The following KIAA1328 variants were observed in gnomAD, a reference collection of about 807,000 sequenced individuals.
KIAA1328 encodes KIAA1328, also known as protein hinderin.
A neutral mutation model predicts 68.1 loss-of-function variants in KIAA1328; 52 were observed. That is an observed-to-expected ratio of 0.76 (90% CI 0.61 to 0.96). The LOEUF (loss-of-function observed/expected upper bound fraction) is 0.96, where lower values mean the gene tolerates loss of function less well. Among genes scored for constraint, KIAA1328 ranks in the 40% least tolerant of loss-of-function variants. The probability of loss-of-function intolerance (pLI) is 0.00; values close to 1 mark genes in which losing one functional copy is unlikely to be tolerated. For synonymous variants in KIAA1328, 232 were observed against 239.4 expected (o/e 0.97, Z 0.28); for missense variants, 641 against 677.6 (o/e 0.95, Z 0.60).
intron 2 of KIAA1328, among the ~76,000 whole-genome samples, chr18:36,834,672 G>A (rs943110375): frequency 1.3e-5 from 2 of 151,984 alleles, no homozygotes; most frequent in African/African-American, 4.8e-5. Flanking sequence ...ATAAAAGTGT[G>A]ACTACTGCTT....
At chr18:36,949,961 T>C (rs1422560549) in intron 5 of KIAA1328, among the ~76,000 whole-genome samples, 1 of 152,240 alleles carries the variant, frequency 6.6e-6, no homozygotes, top group African/African-American at 2.4e-5. Context: ...TGGCTTGTGC[T>C]CTTGCACAGA....
At chr18:37,109,804 A>G (rs2057879638) in intron 7 of KIAA1328, among the ~76,000 whole-genome samples, 1 of 152,170 alleles carries the variant, frequency 6.6e-6, no homozygotes, top group African/African-American at 2.4e-5. Flanking sequence ...CCTAGAAGAA[A>G]TAATATAGGT....
chr18:37,001,425 C>T (rs1340075327), intron 6 of KIAA1328, among the ~76,000 whole-genome samples: 1 of 152,076 alleles, frequency 6.6e-6, no homozygotes, highest in African/African-American at 2.4e-5. Context: ...AGATTCACAG[C>T]CAAATTATAC....
chr18:37,141,773 A>G (rs2058769776), intron 7 of KIAA1328, among the ~76,000 whole-genome samples: 1 of 152,206 alleles, frequency 6.6e-6, no homozygotes, highest in South Asian at 2.1e-4. Context: ...TTAATTTTAA[A>G]CATTTTAATG....
chr18:36,973,812 T>TACACACACACACACAC (rs761416952), intron 6 of KIAA1328, among the ~76,000 whole-genome samples: 22 of 103,682 alleles, frequency 2.1e-4, no homozygotes, highest in East Asian at 8.4e-4. Context: ...TGTACGCACA[T>TACACACACACACACAC]ACACACACAC....
intron 9 of KIAA1328, among the ~76,000 whole-genome samples, chr18:37,203,858 G>A (rs1475032858): frequency 1.3e-5 from 2 of 150,782 alleles, no homozygotes; most frequent in South Asian, 4.2e-4. Flanking sequence ...CGCCCAGGCT[G>A]GAGTGCAGTG....
chr18:36,933,421 G>A (rs948523893), intron 5 of KIAA1328, among the ~76,000 whole-genome samples: 7 of 152,146 alleles, frequency 4.6e-5, no homozygotes, highest in Admixed American at 2.6e-4. Context: ...TCCAGGCCAC[G>A]GGGCCCTCTT....
intron 7 of KIAA1328, among the ~76,000 whole-genome samples, chr18:37,121,712 A>ATTAAC (rs1320666431): frequency 1.3e-5 from 2 of 152,188 alleles, no homozygotes; most frequent in African/African-American, 4.8e-5. Flanking sequence ...TAGAAGAGTT[A>ATTAAC]GTAGGATAAA....
chr18:37,226,715 C>CTTT (rs763991741), downstream of KIAA1328, among the ~76,000 whole-genome samples: 91 of 128,664 alleles, frequency 7.1e-4, no homozygotes, highest in African/African-American at 9.1e-4. Context: ...GGGTTGTTCC[C>CTTT]TTTTTTTTTT....
At chr18:36,953,173 CATAAAT>C (rs1250141801) in intron 5 of KIAA1328, among the ~76,000 whole-genome samples, 1 of 147,420 alleles carries the variant, frequency 6.8e-6, no homozygotes, top group Non-Finnish European at 1.5e-5. Flanking sequence ...ATACATATAT[CATAAAT>C]ATAAATATTT....
intron 7 of KIAA1328, among the ~76,000 whole-genome samples, chr18:37,127,608 G>A (rs2058423848): frequency 6.6e-6 from 1 of 152,094 alleles, no homozygotes. Context: ...GGAGAGCAAT[G>A]CCGGGTTCAT....
At chr18:37,212,677 C>T (rs2060339813) in intron 9 of KIAA1328, among the ~76,000 whole-genome samples, 1 of 151,846 alleles carries the variant, frequency 6.6e-6, no homozygotes, top group Non-Finnish European at 1.5e-5. Context: ...ACTTGATTAA[C>T]CTTAAGTTTT....
chr18:36,943,528 A>G lies in KIAA1328; in HGVS notation c.449-15780A>G, dbSNP rs184429401. ...TACCTGTAATCTTTATTTGATTAAT[A>G]TAAATAGATCATATCAGTGTTTTTA... On this transcript the variant is annotated intron_variant, in intron 5 of 9. Transcript: ENST00000280020. 4.6e-5 allele frequency among the ~76,000 whole-genome samples: 7 copies of G among 152,336 alleles called. No individual in the cohort carries two copies. The East Asian group carries it at 1.2e-3, about 25-fold the overall frequency.
At chr18:37,026,056 A>G (rs2054565214) in intron 6 of KIAA1328, among the ~76,000 whole-genome samples, 1 of 152,218 alleles carries the variant, frequency 6.6e-6, no homozygotes, top group Non-Finnish European at 1.5e-5. Context: ...CACCAATCCC[A>G]CAGAAATACA....
intron 6 of KIAA1328, among the ~76,000 whole-genome samples, chr18:37,064,889 C>T (rs1026103807): frequency 6.6e-6 from 1 of 152,166 alleles, no homozygotes; most frequent in Non-Finnish European, 1.5e-5. Flanking sequence ...CTCCCAACGT[C>T]TTGACTTCAG....
At chr18:37,126,229 T>G (rs1051231755) in intron 7 of KIAA1328, among the ~76,000 whole-genome samples, 9 of 152,224 alleles carry the variant, frequency 5.9e-5, no homozygotes, top group African/African-American at 2.2e-4. Context: ...ATATCTCATA[T>G]GTATGCAAAT....
chr18:37,226,885 A>C (rs2060642880), downstream of KIAA1328, among the ~76,000 whole-genome samples: 1 of 151,780 alleles, frequency 6.6e-6, no homozygotes, highest in Non-Finnish European at 1.5e-5. Flanking sequence ...CTTCTGCCTC[A>C]GCCTCCCCAG....
intron 5 of KIAA1328, among the ~76,000 whole-genome samples, chr18:36,914,683 G>GT (rs2049612136): frequency 6.6e-6 from 1 of 152,062 alleles, no homozygotes; most frequent in Admixed American, 6.6e-5. Flanking sequence ...TCATGCCACT[G>GT]CACTCCAGCC....
In KIAA1328 at chr18:37,070,635, A is replaced by G. The variant is rs956613735; in HGVS notation, c.1232+3090A>G. On this transcript the variant is annotated intron_variant, in intron 7 of 9. Coordinates refer to ENST00000280020, the MANE Select transcript of KIAA1328 (RefSeq NM_020776.3). Reference sequence around the variant, plus strand: ...GCTGAGGTTGGAGTGCAGTGGCACCATGTTGGCTCACTGCAACCTCCGTCT... The same window carrying G: ...GCTGAGGTTGGAGTGCAGTGGCACCGTGTTGGCTCACTGCAACCTCCGTCT... Among the ~76,000 whole-genome samples, 5 of 149,932 alleles carry G rather than the reference A, an allele frequency of 3.3e-5. No individual in the cohort carries two copies. The Admixed American group carries it at 3.3e-4, about 10-fold the overall frequency.
Sources: gnomAD v4.1 joint callset for allele counts (sites outside exome capture counted in the v4.1 genomes callset) on GRCh38, gnomAD v4.1.1 for gene constraint, MANE v1.5 for transcripts, NCBI Gene and HGNC (gene_info 2026-07-23, HGNC 2026-07-21) for gene names.